The following VPS45 variants were observed in gnomAD, a reference collection of about 807,000 sequenced individuals.
The protein encoded by VPS45 is vacuolar protein sorting 45 homolog.
A neutral mutation model predicts 75.9 loss-of-function variants in VPS45; 35 were observed. The ratio of observed to expected loss-of-function variants is 0.46; its 90% CI spans 0.35 to 0.61. The LOEUF is 0.61. VPS45 is among the 20% of genes least tolerant of loss of function. The probability of loss-of-function intolerance (pLI) is 0.00; values close to 1 mark genes in which losing one functional copy is unlikely to be tolerated. For synonymous variants in VPS45, 220 were observed against 238.2 expected (o/e 0.92, Z 0.70); for missense variants, 559 against 685.9 (o/e 0.81, Z 2.07).
chr1:150,082,596 T>C, intron 9 of VPS45, 120 bp from the exon 10 acceptor site: 2 of 1,238,496 alleles, frequency 1.6e-6, no homozygotes, highest in Non-Finnish European at 2.2e-6. Context: ...TGGCTGAAAG[T>C]TGTAGATGCT....
chr1:150,073,718 C>T (rs1185075590), intron 3 of VPS45, among the ~76,000 whole-genome samples: 2 of 151,946 alleles, frequency 1.3e-5, no homozygotes, highest in Non-Finnish European at 2.9e-5. Flanking sequence ...TAGTATCTTA[C>T]ATGATGATAG....
At chr1:150,126,982 C>A in intron 14 of VPS45, among the ~76,000 whole-genome samples, 1 of 152,124 alleles carries the variant, frequency 6.6e-6, no homozygotes, top group South Asian at 2.1e-4. Context: ...AATGCCATGC[C>A]CCAGAACCAC....
intron 14 of VPS45, among the ~76,000 whole-genome samples, chr1:150,125,454 C>T (rs1254148166): frequency 6.6e-6 from 1 of 151,004 alleles, no homozygotes; most frequent in Non-Finnish European, 1.5e-5. Context: ...GTGTGCTGCA[C>T]CCATTAACTC....
At chr1:150,092,472 G>A in intron 12 of VPS45, 63 bp downstream of exon 12, 1 of 1,311,938 alleles carries the variant, frequency 7.6e-7, no homozygotes. Context: ...GGCTGAGAGT[G>A]AATGAATATG....
chr1:150,103,026 A>T (rs587685275), intron 13 of VPS45, among the ~76,000 whole-genome samples: 13 of 150,462 alleles, frequency 8.6e-5, no homozygotes, highest in African/African-American at 3.2e-4. Context: ...AAAAATTTTT[A>T]AAAAGAAATA....
intron 14 of VPS45, among the ~76,000 whole-genome samples, chr1:150,133,861 G>A (rs587596699): frequency 9.0e-4 from 137 of 152,072 alleles, no homozygotes; most frequent in Non-Finnish European, 1.8e-3. Context: ...CTTTCTCTTC[G>A]CATGACATTC....
In VPS45 at chr1:150,068,706, C is replaced by A. The variant is rs782358688; in HGVS notation, c.170C>A (p.Ser57Tyr). The part of the protein sequence containing the change: ...KEVYLFERID[S>Y]QNREIMKHLK... ...GTGTACCTCTTTGAACGCATTGATT[C>A]TCAAAATCGAGAGATCATGAAACAC... The change falls in exon 2 of 15, where the codon TCT becomes TAT. Residue 57 changes from serine to tyrosine, a missense_variant. Ser to Tyr is a moderately radical substitution (Grantham distance 144, BLOSUM62 -2). Transcript: ENST00000644510. 22 of 1,613,170 alleles carry A rather than the reference C, an allele frequency of 1.4e-5. No individual in the cohort carries two copies. In the South Asian group the frequency reaches 2.4e-4, roughly 18 times the overall value.
chr1:150,119,560 T>C (rs1658120130), intron 14 of VPS45, among the ~76,000 whole-genome samples: 1 of 152,178 alleles, frequency 6.6e-6, no homozygotes, highest in Non-Finnish European at 1.5e-5. Flanking sequence ...GGTATACGTT[T>C]AGATTTGCCG....
chr1:150,133,435 TC>T (rs1218237380), intron 14 of VPS45, among the ~76,000 whole-genome samples: 1 of 152,036 alleles, frequency 6.6e-6, no homozygotes, highest in African/African-American at 2.4e-5. Flanking sequence ...GCGCCTGTAA[TC>T]CCAGCTGTTC....
rs1421899173 is a variant in VPS45 at position 150,085,422 on chromosome 1, AAT to A, written c.1104+2543_1104+2544del. On this transcript the variant is annotated intron_variant, in intron 10 of 14. Coordinates refer to ENST00000644510, the MANE Select transcript of VPS45 (RefSeq NM_007259.5). ...TTAAAAGAAAAATAGTCACTTTAAAAATATAAATTCTATTTGTGATCCACTTT... is the reference window on the plus strand; with the variant it reads ...TTAAAAGAAAAATAGTCACTTTAAAAATAAATTCTATTTGTGATCCACTTT... Among the ~76,000 whole-genome samples, 11 of 152,278 alleles carry A rather than the reference AAT, an allele frequency of 7.2e-5. No homozygotes were observed. In the East Asian group the frequency reaches 2.1e-3, roughly 29 times the overall value.
chr1:150,087,614 G>T (rs782256993), intron 10 of VPS45, among the ~76,000 whole-genome samples: 45 of 152,276 alleles, frequency 3.0e-4, no homozygotes, highest in Non-Finnish European at 5.9e-4. Context: ...AGTTATGAGG[G>T]AAATCCTTCA....
intron 14 of VPS45, among the ~76,000 whole-genome samples, chr1:150,140,386 G>GGTGT (rs574312693): frequency 0.13 from 18,741 of 140,248 alleles, 1,343 homozygotes; most frequent in South Asian, 0.21. Context: ...CATCACTTCT[G>GGTGT]GTGTGTGTGT....
chr1:150,084,378 A>T (rs1347162155), intron 10 of VPS45, among the ~76,000 whole-genome samples: 7 of 152,098 alleles, frequency 4.6e-5, no homozygotes, highest in African/African-American at 1.7e-4. Flanking sequence ...GGTCAGAGAG[A>T]CTTGTAGACT....
Position 150,067,799 on chromosome 1 carries a change from G to A in VPS45, c.-59G>A. 1.3e-6 allele frequency: 2 copies of A among 1,561,430 alleles called. No homozygotes were observed. Among genetic ancestry groups the A allele is most frequent in the South Asian group, 1.1e-5 (1 of 89,290 alleles). On this transcript the variant is annotated 5_prime_UTR_variant, in exon 1 of 15. Coordinates refer to ENST00000644510, the MANE Select transcript of VPS45 (RefSeq NM_007259.5). ...CTGAGACCCGGCCAACAGACTGGGG[G>A]TTAATTTAGCCAGAAAAGGGGGCGG...
At chr1:150,088,222 C>G (rs1656117345) in intron 10 of VPS45, among the ~76,000 whole-genome samples, 1 of 152,022 alleles carries the variant, frequency 6.6e-6, no homozygotes, top group Non-Finnish European at 1.5e-5. Flanking sequence ...CTAACCACCC[C>G]TATCCTTCAC....
chr1:150,068,761 A>G lies in VPS45; in HGVS notation c.225A>G (p.Thr75=). The change falls in exon 2 of 15, where the codon ACA becomes ACG. Residue 75 remains threonine, a synonymous_variant. Transcript: ENST00000644510. ...AGGCAATTTGTTTTCTTCGACCTAC[A>G]AAGGTACTGCATAAACTGAGCTTCC... The part of the protein sequence containing the change: ...HLKAICFLRP[T]KENVDYIIQE... 6.2e-7 allele frequency: 1 copy of G among 1,609,672 alleles called. No homozygotes were observed. Among genetic ancestry groups the G allele is most frequent in the Non-Finnish European group, 8.5e-7 (1 of 1,177,748 alleles).
At chr1:150,132,464 T>C (rs1658884850) in intron 14 of VPS45, among the ~76,000 whole-genome samples, 1 of 152,230 alleles carries the variant, frequency 6.6e-6, no homozygotes, top group Non-Finnish European at 1.5e-5. Flanking sequence ...GCCATCAATT[T>C]GATGCCACTG....
intron 14 of VPS45, among the ~76,000 whole-genome samples, chr1:150,122,334 G>C (rs1413858525): frequency 6.6e-6 from 1 of 151,982 alleles, no homozygotes; most frequent in Non-Finnish European, 1.5e-5. Flanking sequence ...CTTAAAGGAG[G>C]TGGGGGGAGT....
At chr1:150,112,808 T>G (rs1553807420) in intron 14 of VPS45, among the ~76,000 whole-genome samples, 1 of 152,156 alleles carries the variant, frequency 6.6e-6, no homozygotes, top group African/African-American at 2.4e-5. Context: ...GTTTGATAAT[T>G]TACTAGAACA....
Sources: allele counts gnomAD v4.1 joint callset (sites outside exome capture counted in the v4.1 genomes callset), GRCh38; gene constraint gnomAD v4.1.1; transcripts MANE v1.5; gene names NCBI Gene and HGNC (gene_info 2026-07-23, HGNC 2026-07-21).